The following SLC5A4 variants were observed in gnomAD, a reference collection of about 807,000 sequenced individuals.
SLC5A4 encodes probable glucose sensor protein SLC5A4.
SLC5A4 carries 55 observed loss-of-function variants against 70.3 expected under a neutral mutation model. The ratio of observed to expected loss-of-function variants is 0.78; its 90% CI spans 0.63 to 0.98. SLC5A4 has a LOEUF of 0.98. Ranked by LOEUF, SLC5A4 falls within the 50% of genes least tolerant of loss-of-function variation. SLC5A4 has a pLI of 0.00. For missense variants in SLC5A4, 735 were observed against 839.2 expected, an observed-to-expected ratio of 0.88 and a Z score of 1.53; for synonymous variants, 268 against 305.7, an observed-to-expected ratio of 0.88 and a Z score of 1.29.
the SLC5A4 span, among the ~76,000 whole-genome samples, chr22:32,321,193 G>A: frequency 6.6e-6 from 1 of 152,330 alleles, no homozygotes; most frequent in African/African-American, 2.4e-5. Flanking sequence ...GGCTGAGGCA[G>A]AAGAACTGCT....
the SLC5A4 span, among the ~76,000 whole-genome samples, chr22:32,278,399 G>A: frequency 6.6e-6 from 1 of 152,278 alleles, no homozygotes; most frequent in East Asian, 1.9e-4. Context: ...AAAGATGTAA[G>A]CAAGGACAAA....
At chr22:32,255,510 GT>G (rs1927434618), upstream of SLC5A4, among the ~76,000 whole-genome samples, 1 of 152,180 alleles carries the variant, frequency 6.6e-6, no homozygotes, top group Admixed American at 6.5e-5. Context: ...GCTAGCCTAG[GT>G]AGAGTGTGAG....
At chr22:32,256,043 G>A (rs79605979), upstream of SLC5A4, among the ~76,000 whole-genome samples, 4,223 of 152,214 alleles carry the variant, frequency 0.028, 177 homozygotes, top group African/African-American at 0.095. Flanking sequence ...TAAAGCCTAT[G>A]CGGTGGCTGA....
chr22:32,285,988 G>A, the SLC5A4 span, among the ~76,000 whole-genome samples: 6 of 152,090 alleles, frequency 3.9e-5, no homozygotes, highest in East Asian at 1.9e-4. Context: ...TGCCTGCCTC[G>A]GCCTCCCAAA....
chr22:32,247,977 T>C (rs574903837), intron 4 of SLC5A4, among the ~76,000 whole-genome samples: 160 of 152,260 alleles, frequency 1.1e-3, no homozygotes, highest in African/African-American at 3.8e-3. Flanking sequence ...TCCCCCTCCA[T>C]TGCCTTCACT....
At chr22:32,298,792 C>G in the SLC5A4 span, among the ~76,000 whole-genome samples, 1 of 115,742 alleles carries the variant, frequency 8.6e-6, no homozygotes, top group African/African-American at 3.4e-5. Context: ...GCGGCTGGTA[C>G]TGGTTGTTCC....
the SLC5A4 span, among the ~76,000 whole-genome samples, chr22:32,294,411 T>C: frequency 6.6e-6 from 1 of 152,176 alleles, no homozygotes; most frequent in African/African-American, 2.4e-5. Flanking sequence ...GACATTCTTT[T>C]ACTTGGTTTC....
the SLC5A4 span, among the ~76,000 whole-genome samples, chr22:32,319,572 A>C: frequency 0.52 from 79,358 of 151,800 alleles, 21,093 homozygotes; most frequent in East Asian, 0.72. Flanking sequence ...GGAGCCAATT[A>C]CCTACAGTGT....
chr22:32,272,137 T>A, the SLC5A4 span: 2 of 686,482 alleles, frequency 2.9e-6, no homozygotes, highest in South Asian at 1.6e-5. Flanking sequence ...GGAGACCAGG[T>A]CAGGCTTCAA....
At chr22:32,243,377 A>C (rs1049381261) in intron 5 of SLC5A4, among the ~76,000 whole-genome samples, 8 of 152,246 alleles carry the variant, frequency 5.3e-5, no homozygotes, top group Non-Finnish European at 1.0e-4. Context: ...ACCTGACCCT[A>C]GACCGCATCC....
the SLC5A4 span, among the ~76,000 whole-genome samples, chr22:32,268,896 T>A: frequency 1.3e-5 from 2 of 152,160 alleles, no homozygotes; most frequent in Non-Finnish European, 2.9e-5. Context: ...TTTAAAGTAT[T>A]TTTTGCATTT....
At chr22:32,340,501 G>A in the SLC5A4 span, among the ~76,000 whole-genome samples, 1 of 152,150 alleles carries the variant, frequency 6.6e-6, no homozygotes, top group East Asian at 1.9e-4. Flanking sequence ...CAAAGCAAAC[G>A]TTATGTCAGG....
the SLC5A4 span, among the ~76,000 whole-genome samples, chr22:32,319,473 G>A: frequency 1.2e-4 from 18 of 152,166 alleles, no homozygotes. Context: ...TCAGGCCCTC[G>A]ACTGACACTG....
the SLC5A4 span, among the ~76,000 whole-genome samples, chr22:32,351,271 G>A: frequency 6.6e-6 from 1 of 152,054 alleles, no homozygotes; most frequent in Non-Finnish European, 1.5e-5. Flanking sequence ...TTTATTTGAC[G>A]CTTCATTTTT....
chr22:32,349,263 G>A, the SLC5A4 span, among the ~76,000 whole-genome samples: 1 of 152,206 alleles, frequency 6.6e-6, no homozygotes, highest in Non-Finnish European at 1.5e-5. Flanking sequence ...GTGAGCCACT[G>A]CGCCCGGCCT....
the SLC5A4 span, chr22:32,272,687 G>A: frequency 5.6e-6 from 3 of 540,298 alleles, no homozygotes; most frequent in African/African-American, 3.8e-5. Context: ...TGTGCCTGCT[G>A]CGCTGGGCAG....
At chr22:32,317,961 C>G in the SLC5A4 span, among the ~76,000 whole-genome samples, 1 of 152,176 alleles carries the variant, frequency 6.6e-6, no homozygotes, top group African/African-American at 2.4e-5. Flanking sequence ...AGAATTTGCC[C>G]TTGTCAAGGT....
the SLC5A4 span, among the ~76,000 whole-genome samples, chr22:32,263,281 G>A: frequency 6.6e-6 from 1 of 152,192 alleles, no homozygotes; most frequent in Non-Finnish European, 1.5e-5. Flanking sequence ...TTACAGGCAT[G>A]AGCCACTGAG....
At chr22:32,317,133 A>G in the SLC5A4 span, among the ~76,000 whole-genome samples, 1 of 152,236 alleles carries the variant, frequency 6.6e-6, no homozygotes, top group Non-Finnish European at 1.5e-5. Flanking sequence ...AGACCAAACC[A>G]AACTTTGCCA....
Sources: gnomAD v4.1 joint callset for allele counts (sites outside exome capture counted in the v4.1 genomes callset) on GRCh38, gnomAD v4.1.1 for gene constraint, MANE v1.5 for transcripts, NCBI Gene and HGNC (gene_info 2026-07-23, HGNC 2026-07-21) for gene names.